PDXDC1: variants seen among roughly 807,000 people sequenced by gnomAD.
PDXDC1 encodes pyridoxal-dependent decarboxylase domain-containing protein 1.
In PDXDC1, 42 loss-of-function variants were observed where a neutral mutation model predicts 100.1. That is an observed-to-expected ratio of 0.42 (90% CI 0.33 to 0.54). The LOEUF (loss-of-function observed/expected upper bound fraction) is 0.54, where lower values mean the gene tolerates loss of function less well. Among genes scored for constraint, PDXDC1 ranks in the 20% least tolerant of loss-of-function variants. PDXDC1 has a pLI of 0.10. For synonymous variants in PDXDC1, 260 were observed against 371.7 expected (o/e 0.70, Z 3.46); for missense variants, 636 against 979.2 (o/e 0.65, Z 4.68).
chr16:15,132,605 A>C (rs1229410664), intron 16 of PDXDC1: 7 of 788,306 alleles, frequency 8.9e-6, no homozygotes, highest in East Asian at 5.4e-5. Flanking sequence ...CCATGGCATG[A>C]AGGAGCCCAG....
chr16:15,078,134 G>A (rs1272176871), intron 16 of PDXDC1, among the ~76,000 whole-genome samples: 4 of 152,132 alleles, frequency 2.6e-5, no homozygotes, highest in East Asian at 3.9e-4. Flanking sequence ...TGTTCCTTAA[G>A]TATATACCAG....
chr16:14,978,637 C>G (rs1046224067), intron 1 of PDXDC1, among the ~76,000 whole-genome samples: 1 of 152,300 alleles, frequency 6.6e-6, no homozygotes, highest in Admixed American at 6.5e-5. Flanking sequence ...TGAAGCCATC[C>G]TCTTGCCTTA....
intron 16 of PDXDC1, chr16:15,061,614 G>A (rs2044712736): frequency 2.7e-6 from 2 of 752,706 alleles, no homozygotes; most frequent in African/African-American, 1.7e-5. Context: ...GAACCTGGAA[G>A]TGCCACAGCC....
chr16:15,089,022 G>A (rs1351512508), intron 16 of PDXDC1, among the ~76,000 whole-genome samples: 1 of 152,210 alleles, frequency 6.6e-6, no homozygotes. Context: ...ACAAGTCTAG[G>A]CCGGGTGGAG....
chr16:15,086,196 A>G lies in PDXDC1; in HGVS notation c.1400-52683A>G, dbSNP rs770425710. On this transcript the variant is annotated intron_variant, in intron 16 of 16. Coordinates refer to the PDXDC1 transcript ENST00000535621. ...GGAAAACAGTCTGTGCTGATACAAG[A>G]TTACCAAGAAAAGCCAAATACTCTT... 4.6e-5 allele frequency: 73 copies of G among 1,593,346 alleles called. 1 individual carries two copies. The South Asian group carries it at 5.3e-4, about 11-fold the overall frequency.
downstream of PDXDC1, among the ~76,000 whole-genome samples, chr16:15,039,619 A>G (rs1003222663): frequency 1.4e-4 from 21 of 152,332 alleles, no homozygotes; most frequent in Middle Eastern, 3.4e-3. Flanking sequence ...TCCTGAGTGC[A>G]GAGGGGAGAA....
intron 16 of PDXDC1, chr16:15,133,254 C>G (rs2048194591): frequency 3.3e-6 from 5 of 1,533,052 alleles, no homozygotes; most frequent in Non-Finnish European, 4.4e-6. Context: ...CCCTGCCAGG[C>G]TGCACTCACC....
chr16:15,092,476 C>T, intron 16 of PDXDC1: 1 of 1,459,552 alleles, frequency 6.9e-7, no homozygotes, highest in Non-Finnish European at 9.6e-7. Flanking sequence ...CTGACCTAAC[C>T]AAAAGCAAAC....
chr16:14,993,657 C>T (rs1334018024), intron 1 of PDXDC1, among the ~76,000 whole-genome samples: 2 of 152,288 alleles, frequency 1.3e-5, no homozygotes, highest in Non-Finnish European at 2.9e-5. Flanking sequence ...GGTATATACC[C>T]AGTAATGGGA....
chr16:15,085,348 T>C (rs2045876231), intron 16 of PDXDC1, among the ~76,000 whole-genome samples: 1 of 152,062 alleles, frequency 6.6e-6, no homozygotes. Flanking sequence ...AAGAAGACAG[T>C]GTCTTGCCAC....
intron 2 of PDXDC1, among the ~76,000 whole-genome samples, 154 bp from the exon 3 acceptor site, chr16:14,998,186 C>T (rs1410289275): frequency 1.3e-5 from 2 of 152,236 alleles, no homozygotes; most frequent in African/African-American, 2.4e-5. Flanking sequence ...CAAACGATAC[C>T]TGAAACTGGA....
chr16:15,146,762 G>A, the PDXDC1 span, among the ~76,000 whole-genome samples: 1 of 152,094 alleles, frequency 6.6e-6, no homozygotes, highest in African/African-American at 2.4e-5. Flanking sequence ...GTGCATGGAG[G>A]ACAGGGGAAT....
intron 16 of PDXDC1, chr16:15,073,019 T>C (rs2045301306): frequency 6.2e-7 from 1 of 1,612,946 alleles, no homozygotes. Context: ...GCAACAGGAG[T>C]TTGTCAAAGA....
intron 16 of PDXDC1, chr16:15,103,410 G>C (rs374771014): frequency 1.6e-6 from 1 of 620,544 alleles, no homozygotes; most frequent in Non-Finnish European, 2.8e-6. Context: ...GGGCACCCTG[G>C]CATAGCCAGA....
chr16:15,082,228 C>T (rs2045737593), intron 16 of PDXDC1, among the ~76,000 whole-genome samples: 1 of 152,120 alleles, frequency 6.6e-6, no homozygotes, highest in South Asian at 2.1e-4. Context: ...TTTTCAGATG[C>T]CCTTTATCAG....
downstream of PDXDC1, chr16:15,040,470 C>G (rs1597754415): frequency 1.1e-5 from 2 of 187,156 alleles, no homozygotes; most frequent in South Asian, 3.0e-4. Flanking sequence ...GAGAATAGAA[C>G]AGTGAACACT....
Position 15,051,848 on chromosome 16 carries a change from C to T in PDXDC1, c.1399+21792C>T, listed in dbSNP as rs544834361. 9.2e-5 allele frequency among the ~76,000 whole-genome samples: 14 copies of T among 152,178 alleles called. No individual in the cohort carries two copies. In the East Asian group the frequency reaches 9.7e-4, roughly 10 times the overall value. On this transcript the variant is annotated intron_variant, in intron 16 of 16. Coordinates refer to the PDXDC1 transcript ENST00000535621. The stretch of plus-strand genomic sequence containing the variant: ...CCTTTGCAGTAGCTGGAACCACAGG[C>T]GCACGCCACCACACTTGGCTAATTT...
chr16:14,977,984 A>G lies in PDXDC1; in HGVS notation c.21+2764A>G, dbSNP rs373650974. 2.9e-4 allele frequency among the ~76,000 whole-genome samples: 44 copies of G among 152,358 alleles called. No individual in the cohort carries two copies. The South Asian group carries it at 9.1e-3, about 32-fold the overall frequency. The stretch of plus-strand genomic sequence containing the variant: ...AAACAAAATGTAGTATGCGATCATC[A>G]TTTAGTAGAATCACTCAGTGATTTG... On this transcript the variant is annotated intron_variant, in intron 1 of 22. Transcript: ENST00000396410.
At chr16:15,069,383 A>T (rs1455851109) in intron 16 of PDXDC1, among the ~76,000 whole-genome samples, 1 of 152,238 alleles carries the variant, frequency 6.6e-6, no homozygotes, top group Non-Finnish European at 1.5e-5. Context: ...CAAAACCATA[A>T]GAATTATTCA....
Sources: allele counts gnomAD v4.1 joint callset (sites outside exome capture counted in the v4.1 genomes callset), GRCh38; gene constraint gnomAD v4.1.1; transcripts MANE v1.5; gene names NCBI Gene and HGNC (gene_info 2026-07-23, HGNC 2026-07-21).